HS2ST1: variants seen among roughly 807,000 people sequenced by gnomAD.
HS2ST1 encodes the protein heparan sulfate 2-O-sulfotransferase 1, also known as 2-O-sulfotransferase.
Under a neutral mutation model 42.9 loss-of-function variants are expected in HS2ST1, and 18 were observed. The ratio of observed to expected loss-of-function variants is 0.42; its 90% CI spans 0.29 to 0.62. The LOEUF is 0.62. Among genes scored for constraint, HS2ST1 ranks in the 20% least tolerant of loss-of-function variants. The probability of loss-of-function intolerance (pLI) is 0.21; values close to 1 mark genes in which losing one functional copy is unlikely to be tolerated. For missense variants in HS2ST1, 334 were observed against 433.8 expected (o/e 0.77, Z 2.04); for synonymous variants, 146 against 152.9 (o/e 0.95, Z 0.33).
At chr1:87,046,421 C>T in intron 1 of HS2ST1, 1 of 879,564 alleles carries the variant, frequency 1.1e-6, no homozygotes. Flanking sequence ...GAAGCCAAAG[C>T]CAGAGCTAGA....
intron 1 of HS2ST1, among the ~76,000 whole-genome samples, chr1:86,924,461 C>A (rs1192710710): frequency 6.6e-6 from 1 of 152,218 alleles, no homozygotes; most frequent in East Asian, 1.9e-4. Flanking sequence ...CATTTCCCTT[C>A]CACACTGCCC....
In HS2ST1 at chr1:86,996,693, C is replaced by T. The variant is rs1034633236; in HGVS notation, c.125-76241C>T. 2.0e-5 allele frequency among the ~76,000 whole-genome samples: 3 copies of T among 151,986 alleles called. No individual in the cohort carries two copies. In the East Asian group the frequency reaches 5.8e-4, roughly 29 times the overall value. On this transcript the variant is annotated intron_variant, in intron 1 of 6. Transcript: ENST00000370550. ...GAGAAACAGACAACTGAAGGAGAACCAGCAAAAAGAGACAGCAGAATTGGA... is the reference window on the plus strand; with the variant it reads ...GAGAAACAGACAACTGAAGGAGAACTAGCAAAAAGAGACAGCAGAATTGGA...
rs528098463 is a variant in HS2ST1, at chr1:87,103,445, A to C, written c.700A>C (p.Arg234=). 4 of 1,598,792 alleles carry C rather than the reference A, an allele frequency of 2.5e-6. No homozygotes were observed. In the South Asian group the frequency reaches 3.4e-5, roughly 14 times the overall value. The change falls in exon 6 of 7, where the codon AGG becomes CGG. Residue 234 remains arginine (R), a synonymous_variant. Transcript: ENST00000370550. The stretch of plus-strand genomic sequence containing the variant: ...CTTTGGTTTCAGGAATGTGGGAAGC[A>C]GGTGGGCTATGGATCAAGCCAAGTA... The part of the protein sequence containing the change: ...HSSECWNVGS[R]WAMDQAKYNL...
chr1:87,033,300 A>G (rs1265896703), intron 1 of HS2ST1, among the ~76,000 whole-genome samples: 4 of 152,230 alleles, frequency 2.6e-5, no homozygotes, highest in Admixed American at 2.0e-4. Flanking sequence ...TTATCAAAAC[A>G]TAGTTGGTGA....
At chr1:86,930,539 G>C (rs1660522113) in intron 1 of HS2ST1, among the ~76,000 whole-genome samples, 1 of 151,782 alleles carries the variant, frequency 6.6e-6, no homozygotes, top group African/African-American at 2.4e-5. Flanking sequence ...GTTAGTCTGG[G>C]CTTTTGGGAG....
At chr1:87,092,460 A>G (rs969567503) in intron 3 of HS2ST1, 71 bp from the exon 4 acceptor site, 4 of 1,025,378 alleles carry the variant, frequency 3.9e-6, no homozygotes, top group East Asian at 5.9e-5. Context: ...AGACTTAAAC[A>G]TGTAATTTCA....
rs1264808826 is a variant in HS2ST1 at position 87,107,718 on chromosome 1, T to G, written c.*3022T>G. 1 of 151,988 alleles carries G rather than the reference T, an allele frequency of 6.6e-6. No homozygotes were observed. 9.4% of individuals were successfully genotyped at this position (151,988 alleles called of 1,614,324 possible). On this transcript the variant is annotated 3_prime_UTR_variant, in exon 7 of 7. Transcript: ENST00000370550. ...TCAACTTGTATCAACTCCTCTTTTC[T>G]AATTGCTGTGAAATGGCAACTGTTG...
intron 1 of HS2ST1, among the ~76,000 whole-genome samples, chr1:86,996,297 C>T (rs751641118): frequency 2.6e-5 from 4 of 151,984 alleles, no homozygotes; most frequent in Admixed American, 6.6e-5. Context: ...ACAAAATTAG[C>T]TGGTCATGGT....
chr1:86,952,702 T>A (rs1331243109), intron 1 of HS2ST1, among the ~76,000 whole-genome samples: 1 of 152,216 alleles, frequency 6.6e-6, no homozygotes, highest in African/African-American at 2.4e-5. Context: ...GAGAGGAATC[T>A]TTTTTCCTGA....
chr1:87,001,748 G>C (rs1570475617), intron 1 of HS2ST1, among the ~76,000 whole-genome samples: 1 of 151,980 alleles, frequency 6.6e-6, no homozygotes, highest in African/African-American at 2.4e-5. Flanking sequence ...CGAGTAGCTG[G>C]GATTACAGGC....
rs1028400419 is a variant in HS2ST1 at position 86,964,385 on chromosome 1, C to T, written c.124+49225C>T. ...ATGAACGAGACTCTGTCTGCAATCC[C>T]GGCACCTCGGGAGGCCGAGGCTGGC... is the stretch of plus-strand genomic sequence containing the variant. On this transcript the variant is annotated intron_variant, in intron 1 of 6. Coordinates refer to ENST00000370550, the MANE Select transcript of HS2ST1 (RefSeq NM_012262.4). Among the ~76,000 whole-genome samples the T allele has an allele frequency of 3.9e-5, 6 of 152,358 alleles. No individual in the cohort carries two copies. The South Asian group carries it at 8.3e-4, about 21-fold the overall frequency.
chr1:86,924,662 C>T (rs376866800), intron 1 of HS2ST1, among the ~76,000 whole-genome samples: 3 of 152,152 alleles, frequency 2.0e-5, no homozygotes, highest in East Asian at 3.9e-4. Flanking sequence ...AGGCATGGCC[C>T]GAGCTCTACG....
At chr1:87,000,063 G>C (rs1253493455) in intron 1 of HS2ST1, among the ~76,000 whole-genome samples, 1 of 150,974 alleles carries the variant, frequency 6.6e-6, no homozygotes, top group African/African-American at 2.4e-5. Flanking sequence ...CAGTTAACAG[G>C]GTTGGTTATG....
chr1:86,989,983 T>G (rs941248909), intron 1 of HS2ST1, among the ~76,000 whole-genome samples: 1 of 152,016 alleles, frequency 6.6e-6, no homozygotes, highest in Non-Finnish European at 1.5e-5. Context: ...GGCATTTGGG[T>G]GGGTTCCAAG....
intron 1 of HS2ST1, among the ~76,000 whole-genome samples, chr1:86,988,989 C>T (rs1455864303): frequency 1.3e-5 from 2 of 152,308 alleles, no homozygotes; most frequent in South Asian, 2.1e-4. Flanking sequence ...TCATGGGAAA[C>T]GGTCAAAGAC....
intron 5 of HS2ST1, among the ~76,000 whole-genome samples, chr1:87,098,873 C>T (rs894946437): frequency 6.6e-6 from 1 of 152,178 alleles, no homozygotes; most frequent in Admixed American, 6.5e-5. Context: ...CCTCCGCCTC[C>T]TGGGTTCACA....
intron 3 of HS2ST1, among the ~76,000 whole-genome samples, chr1:87,090,873 G>A (rs1488008595): frequency 6.6e-6 from 1 of 151,798 alleles, no homozygotes; most frequent in Non-Finnish European, 1.5e-5. Flanking sequence ...CCTCTTAGTT[G>A]GAAATCCCAT....
In HS2ST1 at chr1:87,097,928, G is replaced by A. The variant is rs373595250; in HGVS notation, c.679G>A (p.Glu227Lys). 11 of 1,613,776 alleles carry A rather than the reference G, an allele frequency of 6.8e-6. No homozygotes were observed. Among genetic ancestry groups the A allele is most frequent in the Admixed American group, 5.0e-5 (3 of 59,986 alleles). Residue 227 changes from glutamate (E) to lysine (K), a missense_variant, in exon 5 of 7, where the codon GAA becomes AAA. By Grantham distance (56) the Glu-to-Lys change is moderately conservative. Transcript: ENST00000370550. Reference protein sequence around the residue: ...QIPFFCGHSSECWNVGSRWAM... With the variant: ...QIPFFCGHSSKCWNVGSRWAM... ...CCCGTTCTTCTGTGGCCATAGCTCC[G>A]AATGCTGGTAGGGGAGATAAAGTTG...
chr1:86,964,679 A>G (rs1242247372), intron 1 of HS2ST1, among the ~76,000 whole-genome samples: 1 of 152,148 alleles, frequency 6.6e-6, no homozygotes, highest in Non-Finnish European at 1.5e-5. Flanking sequence ...TGTTTATTAA[A>G]TCTTAAAGCT....
Sources: gnomAD v4.1 joint callset for allele counts (sites outside exome capture counted in the v4.1 genomes callset) on GRCh38, gnomAD v4.1.1 for gene constraint, MANE v1.5 for transcripts, NCBI Gene and HGNC (gene_info 2026-07-23, HGNC 2026-07-21) for gene names.